Variants in GREM2 observed in about 807,000 individuals in gnomAD.
GREM2 encodes gremlin-2.
A neutral mutation model predicts 14.2 loss-of-function variants in GREM2; 11 were observed. The observed-to-expected ratio is 0.78, with a 90% CI of 0.49 to 1.28. The LOEUF is 1.28. Among genes scored for constraint, GREM2 ranks in the 50% most tolerant of loss-of-function variants. GREM2 has a pLI of 0.00. For missense variants in GREM2, 210 were observed against 218.5 expected, an observed-to-expected ratio of 0.96 and a Z score of 0.24; for synonymous variants, 98 against 97.6, an observed-to-expected ratio of 1.00 and a Z score of -0.02.
chr1:240,579,674 T>C lies in GREM2; in HGVS notation c.-2+32210A>G, dbSNP rs551732076. ...TAACTATAATATGAATGTCATGGGA[T>C]TGGACAAAATGCTCAGGGAGTGCCA... On this transcript the variant is annotated intron_variant, in intron 1 of 1. Transcript: ENST00000318160. 6.2e-4 allele frequency among the ~76,000 whole-genome samples: 94 copies of C among 152,268 alleles called. 1 individual carries two copies. The highest frequency in any genetic ancestry group is 2.0e-3 in the African/African-American group (83 of 41,556).
At chr1:240,599,572 C>A (rs1679881819) in intron 1 of GREM2, among the ~76,000 whole-genome samples, 1 of 152,134 alleles carries the variant, frequency 6.6e-6, no homozygotes, top group Admixed American at 6.5e-5. Context: ...TAAGCATGAC[C>A]AAATAAACCA....
chr1:240,503,122 C>G (rs1184230503), intron 1 of GREM2, among the ~76,000 whole-genome samples: 1 of 152,142 alleles, frequency 6.6e-6, no homozygotes, highest in Non-Finnish European at 1.5e-5. Context: ...AAATGGAAAG[C>G]AACTGGATTC....
intron 1 of GREM2, among the ~76,000 whole-genome samples, chr1:240,521,394 C>T (rs1231121776): frequency 2.6e-5 from 4 of 151,912 alleles, no homozygotes; most frequent in East Asian, 3.9e-4. Context: ...CGGTGAAACC[C>T]CGTCTCTACT....
At chr1:240,497,176 CCAA>C (rs1322541073) in intron 1 of GREM2, among the ~76,000 whole-genome samples, 1 of 152,130 alleles carries the variant, frequency 6.6e-6, no homozygotes, top group Non-Finnish European at 1.5e-5. Flanking sequence ...GATCCTGTGA[CCAA>C]CGACATCTGA....
chr1:240,586,547 T>C (rs893644731), intron 1 of GREM2, among the ~76,000 whole-genome samples: 4 of 152,124 alleles, frequency 2.6e-5, no homozygotes, highest in Non-Finnish European at 5.9e-5. Context: ...CAGTTCCTGA[T>C]GCTGGTATGT....
chr1:240,513,467 C>T (rs534690591), intron 1 of GREM2, among the ~76,000 whole-genome samples: 36 of 151,142 alleles, frequency 2.4e-4, no homozygotes, highest in African/African-American at 8.5e-4. Flanking sequence ...CCCAGCTACT[C>T]GGGAGGCTGA....
intron 1 of GREM2, among the ~76,000 whole-genome samples, chr1:240,527,828 C>T (rs918538036): frequency 6.6e-6 from 1 of 152,086 alleles, no homozygotes; most frequent in African/African-American, 2.4e-5. Flanking sequence ...ATCCAAGTGT[C>T]GTATTTCTAT....
chr1:240,510,407 G>A (rs552119165), intron 1 of GREM2, among the ~76,000 whole-genome samples: 170 of 139,678 alleles, frequency 1.2e-3, no homozygotes, highest in African/African-American at 4.4e-3. Flanking sequence ...AAATCAAATG[G>A]TATCCGGAAT....
At chr1:240,538,218 T>C (rs1678515060) in intron 1 of GREM2, among the ~76,000 whole-genome samples, 1 of 152,224 alleles carries the variant, frequency 6.6e-6, no homozygotes, top group Non-Finnish European at 1.5e-5. Context: ...GATGCACCCC[T>C]CAAATGCTAT....
At chr1:240,578,784 AAAAAT>A (rs150700705) in intron 1 of GREM2, among the ~76,000 whole-genome samples, 44,172 of 146,864 alleles carry the variant, frequency 0.3, 8,266 homozygotes, top group African/African-American at 0.54. Flanking sequence ...ACTCAGTCTC[AAAAAT>A]AAAATAAAAT....
chr1:240,493,950 AC>A (rs1236913759), intron 1 of GREM2, among the ~76,000 whole-genome samples: 1 of 152,384 alleles, frequency 6.6e-6, no homozygotes, highest in East Asian at 1.9e-4. Flanking sequence ...TTAGGACTGC[AC>A]CCCAAATAAT....
intron 1 of GREM2, among the ~76,000 whole-genome samples, chr1:240,495,286 C>G (rs1207960418): frequency 6.6e-6 from 1 of 152,166 alleles, no homozygotes; most frequent in Non-Finnish European, 1.5e-5. Context: ...TTCTCTAGGA[C>G]TCCATGAATT....
chr1:240,493,309 C>T lies in GREM2; in HGVS notation c.167G>A (p.Ser56Asn). The change falls in exon 2 of 2, where the codon AGC becomes AAC. Residue 56 changes from serine (S) to asparagine (N), a missense_variant. Ser to Asn is a conservative substitution (Grantham distance 46, BLOSUM62 1). Coordinates refer to ENST00000318160, the MANE Select transcript of GREM2 (RefSeq NM_022469.4). The part of the protein sequence containing the change: ...QHQIKEVLAS[S>N]QEALVVTERK... ...CTCGGTGACCACCAGGGCCTCCTGGCTGGAGGCCAGCACCTCCTTGATCTG... is the reference window on the plus strand; with the variant it reads ...CTCGGTGACCACCAGGGCCTCCTGGTTGGAGGCCAGCACCTCCTTGATCTG... 6.2e-7 allele frequency: 1 copy of T among 1,614,090 alleles called. No individual in the cohort carries two copies. The highest frequency in any genetic ancestry group is 8.5e-7 in the Non-Finnish European group (1 of 1,180,022).
At position 240,547,499 on chromosome 1, in the gene GREM2, C is replaced by CAAAA. The variant is rs200373636; in HGVS notation, c.-1-54027_-1-54024dup. Among the ~76,000 whole-genome samples, 38 of 87,598 alleles carry CAAAA rather than the reference C, an allele frequency of 4.3e-4. 1 individual carries two copies. Among genetic ancestry groups the CAAAA allele is most frequent in the African/African-American group, 1.5e-3 (32 of 20,930 alleles). 57.5% of individuals were successfully genotyped at this position (87,598 alleles called of 152,430 possible). A position where few individuals can be genotyped will look rare whatever the true frequency, so the allele number is the denominator to read the frequency against. On this transcript the variant is annotated intron_variant, in intron 1 of 1. Coordinates refer to ENST00000318160, the MANE Select transcript of GREM2 (RefSeq NM_022469.4). ...TGGGCGACAGAGTGAGACTCCATCT[C>CAAAA]AAAAAAAAAAAAAAAATATATATAT...
chr1:240,580,744 T>G (rs1388267023), intron 1 of GREM2, among the ~76,000 whole-genome samples: 1 of 152,138 alleles, frequency 6.6e-6, no homozygotes, highest in East Asian at 1.9e-4. Flanking sequence ...AATTATATTT[T>G]AAATTTTTTG....
At chr1:240,521,464 G>A (rs536725146) in intron 1 of GREM2, among the ~76,000 whole-genome samples, 20 of 151,708 alleles carry the variant, frequency 1.3e-4, no homozygotes, top group African/African-American at 4.9e-4. Flanking sequence ...CCAGCTACTC[G>A]AGAGGCTGAG....
At chr1:240,546,390 A>G (rs1678719058) in intron 1 of GREM2, among the ~76,000 whole-genome samples, 1 of 151,766 alleles carries the variant, frequency 6.6e-6, no homozygotes, top group South Asian at 2.1e-4. Context: ...ATTCATTTGC[A>G]TTAACCACTT....
chr1:240,534,077 A>G (rs1678421541), intron 1 of GREM2, among the ~76,000 whole-genome samples: 1 of 152,228 alleles, frequency 6.6e-6, no homozygotes, highest in African/African-American at 2.4e-5. Flanking sequence ...TAGTCCTGAA[A>G]TTGAAATTAG....
At chr1:240,595,690 C>T (rs1243486004) in intron 1 of GREM2, among the ~76,000 whole-genome samples, 4 of 152,022 alleles carry the variant, frequency 2.6e-5, no homozygotes, top group Non-Finnish European at 4.4e-5. Flanking sequence ...GGAGTCAGGC[C>T]GAGTTGGGTC....
Sources: allele counts gnomAD v4.1 joint callset (sites outside exome capture counted in the v4.1 genomes callset), GRCh38; gene constraint gnomAD v4.1.1; transcripts MANE v1.5; gene names NCBI Gene and HGNC (gene_info 2026-07-23, HGNC 2026-07-21).